MYLK: variants seen among roughly 807,000 people sequenced by gnomAD.
MYLK encodes the protein myosin light chain kinase, also known as myosin light chain kinase, smooth muscle.
A neutral mutation model predicts 203.4 loss-of-function variants in MYLK; 106 were observed. That is an observed-to-expected ratio of 0.52 (90% CI 0.45 to 0.61). The LOEUF (loss-of-function observed/expected upper bound fraction) is 0.61, where lower values mean the gene tolerates loss of function less well. Ranked by LOEUF, MYLK falls within the 20% of genes least tolerant of loss-of-function variation. The pLI is 0.00. For missense variants in MYLK, 2,072 were observed against 2,442.3 expected (o/e 0.85, Z 3.20); for synonymous variants, 867 against 959.5 (o/e 0.90, Z 1.78).
chr3:123,771,556 C>A (rs1010885714), intron 4 of MYLK, among the ~76,000 whole-genome samples: 6 of 152,050 alleles, frequency 3.9e-5, no homozygotes, highest in African/African-American at 7.2e-5. Flanking sequence ...TTTGATTTTG[C>A]GAGTTGAATG....
intron 13 of MYLK, among the ~76,000 whole-genome samples, chr3:123,717,586 T>C (rs115184012): frequency 0.026 from 2,993 of 116,102 alleles, 70 homozygotes; most frequent in African/African-American, 0.088. Flanking sequence ...TTAGCCTTGA[T>C]GGAGATACTC....
intron 29 of MYLK, among the ~76,000 whole-genome samples, chr3:123,633,829 CTG>C (rs144834366): frequency 1.3e-5 from 2 of 151,700 alleles, no homozygotes; most frequent in African/African-American, 2.4e-5. Flanking sequence ...ACTACACTTT[CTG>C]TGTGTGTGTG....
intron 3 of MYLK, chr3:123,800,029 G>T (rs78891934): frequency 0.18 from 27,440 of 152,118 alleles, 2,943 homozygotes; most frequent in Non-Finnish European, 0.25. Context: ...CTCGCAGATG[G>T]TGCAATTTGC....
intron 5 of MYLK, among the ~76,000 whole-genome samples, chr3:123,740,702 T>C (rs1006850537): frequency 2.0e-5 from 3 of 152,166 alleles, no homozygotes; most frequent in African/African-American, 7.2e-5. Context: ...ACACTGCCAG[T>C]CCTGGGCAAG....
chr3:123,823,586 T>C (rs1383083440), intron 3 of MYLK, among the ~76,000 whole-genome samples: 1 of 152,138 alleles, frequency 6.6e-6, no homozygotes, highest in African/African-American at 2.4e-5. Context: ...AAGGCACCAT[T>C]GTCATGCTTT....
chr3:123,696,150 G>T (rs1560086725), intron 18 of MYLK, among the ~76,000 whole-genome samples: 1 of 152,182 alleles, frequency 6.6e-6, no homozygotes, highest in Non-Finnish European at 1.5e-5. Flanking sequence ...AATCCTGTTT[G>T]GGTGGGGGTC....
chr3:123,764,618 C>G (rs1412462868), intron 4 of MYLK, among the ~76,000 whole-genome samples: 4 of 152,140 alleles, frequency 2.6e-5, no homozygotes, highest in Admixed American at 2.6e-4. Flanking sequence ...AACGCTTTGC[C>G]CTGCCTGCAG....
chr3:123,679,785 T>C (rs1028054001), intron 20 of MYLK, among the ~76,000 whole-genome samples: 1 of 152,150 alleles, frequency 6.6e-6, no homozygotes, highest in African/African-American at 2.4e-5. Context: ...CATTCCCTGC[T>C]TCCAGCTTCT....
chr3:123,872,539 C>T (rs1055485459), intron 2 of MYLK, among the ~76,000 whole-genome samples: 2 of 152,142 alleles, frequency 1.3e-5, no homozygotes, highest in African/African-American at 4.8e-5. Context: ...GTTAGGGATT[C>T]CCATGACCCC....
rs750002545 is a variant in MYLK, at chr3:123,657,284, G to A, written c.4130C>T (p.Thr1377Met). 6.2e-6 allele frequency: 10 copies of A among 1,614,008 alleles called. No homozygotes were observed. Among genetic ancestry groups the A allele is most frequent in the Admixed American group, 3.3e-5 (2 of 59,998 alleles). Residue 1377 changes from threonine to methionine, a missense_variant, in exon 24 of 34, where the codon ACG becomes ATG. Around this residue, in one of 3 missense-constraint regions of MYLK, gnomAD observed 524 missense variants for 782.4 expected, o/e 0.67. Coordinates refer to ENST00000360304, the MANE Select transcript of MYLK (RefSeq NM_053025.4). ...GCGGCATGTGGCTAGTTCCTTCCAC[G>A]TCTTGTTGGCTGAGTCCCAGATCTC... ...SIEIWDSANKTWKELATCRST... is the reference protein window; with the variant it reads ...SIEIWDSANKMWKELATCRST...
chr3:123,838,960 C>T (rs561093772), intron 2 of MYLK, among the ~76,000 whole-genome samples: 32 of 151,692 alleles, frequency 2.1e-4, no homozygotes, highest in African/African-American at 3.4e-4. Flanking sequence ...TCAGGCATGG[C>T]GGCACGTGCC....
chr3:123,628,040 G>A (rs1391564726), intron 30 of MYLK, among the ~76,000 whole-genome samples: 3 of 152,172 alleles, frequency 2.0e-5, no homozygotes, highest in African/African-American at 4.8e-5. Context: ...CATCTCCTGA[G>A]GCACCTTGGG....
rs980918462 is a variant in MYLK at position 123,733,782 on chromosome 3, A to G, written c.1214T>C (p.Met405Thr). The change falls in exon 10 of 34, where the codon ATG becomes ACG. Residue 405 changes from methionine to threonine, a missense_variant. Physicochemically the swap from Met to Thr is moderately conservative, Grantham distance 81 (BLOSUM62 -1). Coordinates refer to ENST00000360304, the MANE Select transcript of MYLK (RefSeq NM_053025.4). The part of the protein sequence containing the change: ...VSKAANRRIP[M>T]EGQRDSAFPK... The stretch of plus-strand genomic sequence containing the variant: ...GAATGCTGAATCCCTCTGGCCCTCC[A>G]TGGGGATTCTCCTGTTAGCAGCCTT... The G allele has an allele frequency of 6.2e-7, 1 of 1,614,052 alleles. No individual in the cohort carries two copies. The highest frequency in any genetic ancestry group is 8.5e-7 in the Non-Finnish European group (1 of 1,180,032).
intron 19 of MYLK, chr3:123,692,403 A>C (rs1216451718): frequency 2.5e-6 from 3 of 1,198,580 alleles, no homozygotes; most frequent in African/African-American, 1.6e-5. Flanking sequence ...AATACTCTGT[A>C]GTCATTTTCC....
intron 13 of MYLK, among the ~76,000 whole-genome samples, chr3:123,718,717 G>C (rs1274312926): frequency 6.6e-6 from 1 of 152,024 alleles, no homozygotes; most frequent in South Asian, 2.1e-4. Context: ...CCACTCACTG[G>C]CTTTTTCTCT....
chr3:123,625,540 G>A (rs915988804), intron 31 of MYLK, among the ~76,000 whole-genome samples: 1 of 151,988 alleles, frequency 6.6e-6, no homozygotes, highest in African/African-American at 2.4e-5. Flanking sequence ...CGGGAGTGGT[G>A]GCTCACGCCT....
At chr3:123,728,708 G>A (rs966605936) in intron 11 of MYLK, among the ~76,000 whole-genome samples, 1 of 152,150 alleles carries the variant, frequency 6.6e-6, no homozygotes, top group Non-Finnish European at 1.5e-5. Flanking sequence ...AAAACCGACA[G>A]TACCTATGGT....
In MYLK at chr3:123,852,108, G is replaced by A. The variant is rs1278796899; in HGVS notation, c.-126-20438C>T. On this transcript the variant is annotated intron_variant, in intron 2 of 33. Coordinates refer to ENST00000360304, the MANE Select transcript of MYLK (RefSeq NM_053025.4). ...CAGGGATGAAGCCCACTTGATCATGGTGGATAAGCTTTTTGATGTGCTGCT... is the reference window on the plus strand; with the variant it reads ...CAGGGATGAAGCCCACTTGATCATGATGGATAAGCTTTTTGATGTGCTGCT... 2.0e-5 allele frequency among the ~76,000 whole-genome samples: 3 copies of A among 152,194 alleles called. No homozygotes were observed. The East Asian group carries it at 5.8e-4, about 29-fold the overall frequency.
rs779252356 is a variant in MYLK, at chr3:123,649,206, AC to A, written c.4289-13del. The A allele has an allele frequency of 4.4e-4, 712 of 1,611,284 alleles. 5 individuals carry two copies. In the East Asian group the frequency reaches 0.016, roughly 35 times the overall value. ...TTCATCCTTCGGCTCTGGGGGGGGC[AC>A]AAGGAAGGACAGAGAGGACACAGGT... is the stretch of plus-strand genomic sequence containing the variant. On this transcript the variant is annotated splice_polypyrimidine_tract_variant and intron_variant, in intron 24 of 33. Transcript: ENST00000360304.
Sources: gnomAD v4.1 joint callset for allele counts (sites outside exome capture counted in the v4.1 genomes callset) on GRCh38, gnomAD v4.1.1 for gene constraint, gnomAD v4.1.1 regional missense constraint, MANE v1.5 for transcripts, NCBI Gene and HGNC (gene_info 2026-07-23, HGNC 2026-07-21) for gene names.